TET2: variants seen among roughly 807,000 people sequenced by gnomAD.
TET2 encodes tet methylcytosine dioxygenase 2.
Under a neutral mutation model 142.9 loss-of-function variants are expected in TET2, and 299 were observed. That is an observed-to-expected ratio of 2.09 (90% CI 1.90 to 2.30). The LOEUF is 2.30. TET2 is among the 30% of genes most tolerant of loss of function. The probability of loss-of-function intolerance (pLI) is 0.00; values close to 1 mark genes in which losing one functional copy is unlikely to be tolerated. For synonymous variants in TET2, 819 were observed against 849.0 expected (o/e 0.96, Z 0.61); for missense variants, 2,418 against 2,378.0 (o/e 1.02, Z -0.35).
intron 6 of TET2, among the ~76,000 whole-genome samples, chr4:105,247,319 T>G (rs977814790): frequency 6.6e-6 from 1 of 152,216 alleles, no homozygotes; most frequent in Admixed American, 6.5e-5. Flanking sequence ...TTTGTTCAAA[T>G]TATCTGATTA....
At chr4:105,260,941 G>A (rs879699293) in intron 7 of TET2, among the ~76,000 whole-genome samples, 17 of 151,400 alleles carry the variant, frequency 1.1e-4, no homozygotes. Context: ...TCACTTTCAC[G>A]AGGTTTCATG....
intron 6 of TET2, among the ~76,000 whole-genome samples, chr4:105,251,284 A>C (rs192681463): frequency 1.3e-5 from 2 of 152,130 alleles, no homozygotes; most frequent in African/African-American, 4.8e-5. Flanking sequence ...AGGTACAATT[A>C]ACAACTGCAA....
chr4:105,175,867 T>C (rs1724761973), intron 1 of TET2, among the ~76,000 whole-genome samples: 1 of 152,140 alleles, frequency 6.6e-6, no homozygotes, highest in Non-Finnish European at 1.5e-5. Context: ...AAATTTTATC[T>C]GACATATCCT....
chr4:105,167,654 G>A (rs1456272982), intron 1 of TET2, among the ~76,000 whole-genome samples: 2 of 152,140 alleles, frequency 1.3e-5, no homozygotes, highest in Non-Finnish European at 2.9e-5. Flanking sequence ...TAGTATTACA[G>A]TGCCCAGGCA....
intron 2 of TET2, among the ~76,000 whole-genome samples, chr4:105,206,116 G>A (rs1726808280): frequency 6.6e-6 from 1 of 152,132 alleles, no homozygotes; most frequent in African/African-American, 2.4e-5. Context: ...TTCTTTGTTA[G>A]TGCTTCAGCC....
At chr4:105,250,550 G>A (rs1729822195) in intron 6 of TET2, among the ~76,000 whole-genome samples, 2 of 151,280 alleles carry the variant, frequency 1.3e-5, no homozygotes, top group Admixed American at 1.3e-4. Flanking sequence ...GACTTTGACT[G>A]GGGTTCTGTT....
chr4:105,272,478 A>AAG (rs1731010309), intron 9 of TET2, 86 bp from the exon 10 acceptor site: 1 of 905,902 alleles, frequency 1.1e-6, no homozygotes, highest in East Asian at 2.7e-5. Context: ...ACAAATCTGA[A>AAG]TACTGAGAGG....
chr4:105,260,772 ATAAT>A (rs2110286785), intron 7 of TET2, among the ~76,000 whole-genome samples: 1 of 152,300 alleles, frequency 6.6e-6, no homozygotes, highest in South Asian at 2.1e-4. Flanking sequence ...GATGTTTTCA[ATAAT>A]TAAAGTTTAC....
chr4:105,263,295 G>A (rs968261611), intron 8 of TET2, among the ~76,000 whole-genome samples: 2 of 152,094 alleles, frequency 1.3e-5, no homozygotes, highest in Non-Finnish European at 2.9e-5. Context: ...GATGTAATTC[G>A]TATTTTGAAA....
At chr4:105,163,853 G>C in intron 1 of TET2, among the ~76,000 whole-genome samples, 1 of 135,224 alleles carries the variant, frequency 7.4e-6, no homozygotes. Flanking sequence ...GAGAGAGAGA[G>C]AGTGTGTGTG....
chr4:105,266,472 A>T (rs1043277603), intron 8 of TET2, among the ~76,000 whole-genome samples: 3 of 152,182 alleles, frequency 2.0e-5, no homozygotes, highest in African/African-American at 7.2e-5. Context: ...ATCAATAAAA[A>T]TAGTCCCAGA....
At chr4:105,156,576 A>G (rs1723576963) in intron 1 of TET2, among the ~76,000 whole-genome samples, 1 of 152,204 alleles carries the variant, frequency 6.6e-6, no homozygotes. Flanking sequence ...CAGGTTATAC[A>G]TTAATGAGAA....
chr4:105,258,713 ATTTAC>A (rs1438165269), intron 6 of TET2, among the ~76,000 whole-genome samples: 9 of 152,084 alleles, frequency 5.9e-5, no homozygotes, highest in Non-Finnish European at 1.3e-4. Context: ...ATTAACAATT[ATTTAC>A]TTATATCACA....
At chr4:105,218,008 A>G (rs941946407) in intron 2 of TET2, among the ~76,000 whole-genome samples, 3 of 152,100 alleles carry the variant, frequency 2.0e-5, no homozygotes, top group Non-Finnish European at 4.4e-5. Context: ...AAGGAAATTG[A>G]GTTGTTTTAA....
chr4:105,173,285 C>T (rs780226704), intron 1 of TET2, among the ~76,000 whole-genome samples: 26 of 149,442 alleles, frequency 1.7e-4, no homozygotes, highest in Admixed American at 3.4e-4. Context: ...TTTGGGAGGC[C>T]GAGGTGGGCA....
intron 1 of TET2, among the ~76,000 whole-genome samples, chr4:105,189,384 A>G (rs756052660): frequency 7.9e-5 from 12 of 152,294 alleles, no homozygotes; most frequent in African/African-American, 2.9e-4. Context: ...ATTCAGGACA[A>G]TGGACCAACT....
rs562392401 is a variant in TET2 at position 105,275,251 on chromosome 4, A to G, written c.4741A>G (p.Asn1581Asp). ...GCCCAATCCAGTTAGTCCTTATCCA[A>G]ACTCTTCACACACTTCAGATATCTA... ...RRPNPVSPYPNSSHTSDIYGS... is the reference protein window; with the variant it reads ...RRPNPVSPYPDSSHTSDIYGS... Residue 1581 changes from asparagine (N) to aspartate (D), a missense_variant, in exon 11 of 11, where the codon AAC becomes GAC. By Grantham distance (23) the Asn-to-Asp change is conservative. Transcript: ENST00000380013. 6 of 1,552,292 alleles carry G rather than the reference A, an allele frequency of 3.9e-6. No homozygotes were observed. In the Admixed American group the frequency reaches 5.9e-5, roughly 15 times the overall value.
intron 2 of TET2, among the ~76,000 whole-genome samples, chr4:105,221,040 A>G (rs1049649156): frequency 2.0e-5 from 3 of 152,202 alleles, no homozygotes; most frequent in African/African-American, 7.2e-5. Context: ...TATCCATTCT[A>G]ATAATGGGAG....
At chr4:105,201,732 CTTTTT>C (rs70964636) in intron 2 of TET2, among the ~76,000 whole-genome samples, 1 of 63,052 alleles carries the variant, frequency 1.6e-5, no homozygotes, top group Non-Finnish European at 2.7e-5. Flanking sequence ...CATCCAGGAC[CTTTTT>C]TTTTTTTTTT....
Sources: allele counts gnomAD v4.1 joint callset (sites outside exome capture counted in the v4.1 genomes callset), GRCh38; gene constraint gnomAD v4.1.1; transcripts MANE v1.5; gene names NCBI Gene and HGNC (gene_info 2026-07-23, HGNC 2026-07-21).